Variants in VPS50 observed in about 807,000 individuals in gnomAD.
The protein encoded by VPS50 is syndetin.
Under a neutral mutation model 139.7 loss-of-function variants are expected in VPS50, and 70 were observed. That is an observed-to-expected ratio of 0.50 (90% CI 0.41 to 0.61). The LOEUF is 0.61. Ranked by LOEUF, VPS50 falls within the 20% of genes least tolerant of loss-of-function variation. The pLI is 0.00. For synonymous variants in VPS50, 365 were observed against 376.7 expected (o/e 0.97, Z 0.36); for missense variants, 921 against 1,133.7 (o/e 0.81, Z 2.69).
intron 1 of VPS50, among the ~76,000 whole-genome samples, chr7:93,237,031 A>C (rs1271295737): frequency 1.5e-5 from 2 of 134,802 alleles, no homozygotes; most frequent in Admixed American, 1.7e-4. Context: ...GCTCACTGCA[A>C]GCTCCGCCTC....
chr7:93,266,685 G>T (rs1036615840), intron 9 of VPS50, among the ~76,000 whole-genome samples: 1 of 152,056 alleles, frequency 6.6e-6, no homozygotes, highest in African/African-American at 2.4e-5. Context: ...GTAATTTCTT[G>T]ACCATAATGT....
chr7:93,240,110 A>T (rs910574888), intron 2 of VPS50, among the ~76,000 whole-genome samples, 176 bp downstream of exon 2: 1 of 152,010 alleles, frequency 6.6e-6, no homozygotes, highest in Non-Finnish European at 1.5e-5. Context: ...ACACGTTGGG[A>T]TGCAGTATGT....
At chr7:93,246,251 T>A (rs1316464820) in intron 2 of VPS50, 11 of 681,282 alleles carry the variant, frequency 1.6e-5, no homozygotes, top group Non-Finnish European at 2.8e-5. Context: ...CCGCAAATCA[T>A]GCTTGTAAAA....
chr7:93,239,164 G>T (rs1386554245), intron 1 of VPS50, among the ~76,000 whole-genome samples: 1 of 152,084 alleles, frequency 6.6e-6, no homozygotes. Context: ...AACTAATATT[G>T]CAGGGACATT....
chr7:93,333,317 G>T (rs1404469031), intron 21 of VPS50, among the ~76,000 whole-genome samples: 1 of 151,998 alleles, frequency 6.6e-6, no homozygotes, highest in East Asian at 1.9e-4. Flanking sequence ...GTTCATGTAT[G>T]CTTGTGTGTG....
At chr7:93,275,544 T>A (rs117572760) in intron 11 of VPS50, among the ~76,000 whole-genome samples, 1,803 of 152,294 alleles carry the variant, frequency 0.012, 30 homozygotes, top group East Asian at 0.085. Context: ...AGCAATTTTT[T>A]AAAATTAAGG....
intron 20 of VPS50, chr7:93,320,790 A>T (rs1423038571): frequency 6.6e-6 from 1 of 152,468 alleles, no homozygotes; most frequent in Non-Finnish European, 1.5e-5. Context: ...GCAGACTGTT[A>T]CAGTTTGTCC....
chr7:93,324,335 G>T (rs2117023475), intron 21 of VPS50, among the ~76,000 whole-genome samples: 1 of 152,302 alleles, frequency 6.6e-6, no homozygotes, highest in South Asian at 2.1e-4. Flanking sequence ...TTGAATAGGA[G>T]TGGTGAGAGA....
intron 12 of VPS50, 61 bp downstream of exon 12, chr7:93,276,366 C>T: frequency 1.3e-6 from 2 of 1,535,266 alleles, no homozygotes; most frequent in East Asian, 2.3e-5. Flanking sequence ...TTTATATTTC[C>T]TTTATCTTGG....
At chr7:93,298,783 T>C (rs527443378) in intron 16 of VPS50, among the ~76,000 whole-genome samples, 1 of 152,350 alleles carries the variant, frequency 6.6e-6, no homozygotes, top group African/African-American at 2.4e-5. Context: ...AAATAACTTC[T>C]CTTAGAAACA....
chr7:93,244,344 C>T (rs191853182), intron 2 of VPS50, among the ~76,000 whole-genome samples: 50 of 151,900 alleles, frequency 3.3e-4, no homozygotes, highest in African/African-American at 1.1e-3. Context: ...TTAAAAGAAT[C>T]CTAAAACCAC....
chr7:93,321,904 A>G (rs183579085), intron 20 of VPS50, among the ~76,000 whole-genome samples: 7 of 152,280 alleles, frequency 4.6e-5, no homozygotes, highest in African/African-American at 9.6e-5. Context: ...ATTATTTTAT[A>G]TGTTAACAAG....
At chr7:93,286,015 T>TC (rs2116922774) in intron 12 of VPS50, among the ~76,000 whole-genome samples, 1 of 152,296 alleles carries the variant, frequency 6.6e-6, no homozygotes, top group African/African-American at 2.4e-5. Context: ...TCCTTTTTTT[T>TC]CTGTGCATTT....
chr7:93,359,583 G>C lies in VPS50; in HGVS notation c.*1147G>C, dbSNP rs58383093. 6.6e-6 allele frequency: 1 copy of C among 152,122 alleles called. No individual in the cohort carries two copies. Among genetic ancestry groups the C allele is most frequent in the Non-Finnish European group, 1.5e-5 (1 of 68,020 alleles). The allele number at this position is 152,122 out of a possible 1,614,324, so 9.4% of individuals were successfully genotyped here. ...TTTGTGTGTGTTCTTTCTGACTGGA[G>C]AGTGGAGGACATCTAAGCTTGTGTG... On this transcript the variant is annotated 3_prime_UTR_variant, in exon 28 of 28. Coordinates refer to ENST00000305866, the MANE Select transcript of VPS50 (RefSeq NM_017667.4).
chr7:93,235,864 C>T (rs1281112889), intron 1 of VPS50, among the ~76,000 whole-genome samples: 2 of 152,126 alleles, frequency 1.3e-5, no homozygotes, highest in Admixed American at 1.3e-4. Context: ...GAGTTACAAA[C>T]ATGTAGATTG....
chr7:93,343,123 C>G (rs1195126410), intron 23 of VPS50, among the ~76,000 whole-genome samples: 2 of 152,038 alleles, frequency 1.3e-5, no homozygotes, highest in East Asian at 1.9e-4. Context: ...ATAACCAATA[C>G]AGAGAAGTGC....
chr7:93,293,197 G>T (rs1796700059), intron 13 of VPS50, among the ~76,000 whole-genome samples: 1 of 152,064 alleles, frequency 6.6e-6, no homozygotes, highest in African/African-American at 2.4e-5. Context: ...GAAATGAAAT[G>T]GATCAAGAGA....
At chr7:93,246,256 G>A in intron 2 of VPS50, 1 of 668,388 alleles carries the variant, frequency 1.5e-6, no homozygotes, top group Non-Finnish European at 2.6e-6. Flanking sequence ...AATCATGCTT[G>A]TAAAATTTCT....
chr7:93,309,461 T>A (rs1398430978), intron 19 of VPS50, among the ~76,000 whole-genome samples: 1 of 151,966 alleles, frequency 6.6e-6, no homozygotes, highest in Non-Finnish European at 1.5e-5. Flanking sequence ...GATTAGTTTT[T>A]GCAGAGGAAA....
Sources: allele counts gnomAD v4.1 joint callset (sites outside exome capture counted in the v4.1 genomes callset), GRCh38; gene constraint gnomAD v4.1.1; transcripts MANE v1.5; gene names NCBI Gene and HGNC (gene_info 2026-07-23, HGNC 2026-07-21).